Variants in TRIM67 observed in about 807,000 individuals in gnomAD.
TRIM67 encodes tripartite motif-containing protein 67.
TRIM67 carries 39 observed loss-of-function variants against 71.0 expected under a neutral mutation model. The ratio of observed to expected loss-of-function variants is 0.55; its 90% CI spans 0.43 to 0.72. TRIM67 has a LOEUF of 0.72. TRIM67 is among the 30% of genes least tolerant of loss of function. The probability of loss-of-function intolerance (pLI) is 0.00; values close to 1 mark genes in which losing one functional copy is unlikely to be tolerated. For synonymous variants in TRIM67, 481 were observed against 473.9 expected (o/e 1.01, Z -0.19); for missense variants, 973 against 1,079.2 (o/e 0.90, Z 1.38).
intron 6 of TRIM67, among the ~76,000 whole-genome samples, chr1:231,205,396 T>C (rs967603893): frequency 1.3e-5 from 2 of 152,146 alleles, no homozygotes; most frequent in Non-Finnish European, 2.9e-5. Flanking sequence ...AAAGGTAACT[T>C]TGAAGCTAAT....
At chr1:231,169,426 G>A (rs908621071) in intron 1 of TRIM67, among the ~76,000 whole-genome samples, 1 of 125,384 alleles carries the variant, frequency 8.0e-6, no homozygotes, top group Non-Finnish European at 1.6e-5. Context: ...AACCCAGACT[G>A]GAGTTCAGTG....
intron 6 of TRIM67, among the ~76,000 whole-genome samples, chr1:231,205,211 A>C (rs1558305488): frequency 6.6e-6 from 1 of 152,244 alleles, no homozygotes; most frequent in Non-Finnish European, 1.5e-5. Context: ...GCTAGGGTTT[A>C]TAAGGAAGAG....
At position 231,209,634 on chromosome 1, in the gene TRIM67, C is replaced by T. The variant is rs1234145736; in HGVS notation, c.2123+384C>T. On this transcript the variant is annotated intron_variant, in intron 8 of 9. Coordinates refer to ENST00000366653, the MANE Select transcript of TRIM67 (RefSeq NM_001004342.5). This position sits in a 1 kb window ranked among gnomAD's most constrained non-coding sequence, Gnocchi z 4.1. ...TAATGGGCACCACTGGGGCTGGTGT[C>T]CTCACAGCTGTGACCAGGTCATTGC... Among the ~76,000 whole-genome samples the T allele has an allele frequency of 6.6e-6, 1 of 152,224 alleles. No individual in the cohort carries two copies. Among genetic ancestry groups the T allele is most frequent in the Non-Finnish European group, 1.5e-5 (1 of 68,038 alleles).
chr1:231,206,874 A>T, intron 7 of TRIM67, 84 bp downstream of exon 7: 13 of 1,371,908 alleles, frequency 9.5e-6, no homozygotes, highest in East Asian at 2.7e-5. Context: ...GGCAGCTATG[A>T]TGATGGGGTA....
Position 231,219,844 on chromosome 1 carries a change from T to C in TRIM67, c.*4404T>C, listed in dbSNP as rs1204619244. ...CAGTTCCTCCCAGAAGATCAAAGGA[T>C]CCTGCAGCTTTAACCTAATATCTAG... On this transcript the variant is annotated 3_prime_UTR_variant, in exon 10 of 10. Coordinates refer to ENST00000366653, the MANE Select transcript of TRIM67 (RefSeq NM_001004342.5). The C allele has an allele frequency of 1.6e-6, 2 of 1,288,840 alleles. No homozygotes were observed. The highest frequency in any genetic ancestry group is 3.0e-5 in the African/African-American group (2 of 65,806). 79.8% of individuals were successfully genotyped at this position (1,288,840 alleles called of 1,614,324 possible). A position where few individuals can be genotyped will look rare whatever the true frequency, so the allele number is the denominator to read the frequency against.
In TRIM67 at chr1:231,218,610, GA is replaced by G. The variant is rs1684071686; in HGVS notation, c.*3174del. The stretch of plus-strand genomic sequence containing the variant: ...CTTTTCCTCTCTCTGTTCTCCTTGG[GA>G]AAATAATGATTCCAATTAAAGAGGA... On this transcript the variant is annotated 3_prime_UTR_variant, in exon 10 of 10. Coordinates refer to ENST00000366653, the MANE Select transcript of TRIM67 (RefSeq NM_001004342.5). 2.0e-6 allele frequency: 2 copies of G among 985,406 alleles called. No individual in the cohort carries two copies. Among genetic ancestry groups the G allele is most frequent in the African/African-American group, 3.5e-5 (2 of 57,334 alleles). The allele number at this position is 985,406 out of a possible 1,614,324, so 61.0% of individuals were successfully genotyped here. A position where few individuals can be genotyped will look rare whatever the true frequency, so the allele number is the denominator to read the frequency against.
intron 1 of TRIM67, among the ~76,000 whole-genome samples, chr1:231,195,139 A>G (rs377012815): frequency 3.9e-5 from 6 of 152,234 alleles, no homozygotes; most frequent in African/African-American, 1.4e-4. Flanking sequence ...TCTCAGAGAC[A>G]GGATGTAAGC....
intron 1 of TRIM67, among the ~76,000 whole-genome samples, chr1:231,176,385 G>C (rs76597991): frequency 2.6e-5 from 4 of 152,302 alleles, no homozygotes; most frequent in Admixed American, 6.5e-5. Flanking sequence ...CCAGAGATTA[G>C]GAAGGGGAAG....
chr1:231,167,379 G>T (rs1406255347), intron 1 of TRIM67, among the ~76,000 whole-genome samples: 2 of 83,778 alleles, frequency 2.4e-5, no homozygotes, highest in Non-Finnish European at 2.0e-5. Context: ...CTGGAGTGCA[G>T]TGGCGGGATC....
rs944726669 is a variant in TRIM67, at chr1:231,185,006, G to T, written c.1045-12365G>T. On this transcript the variant is annotated intron_variant, in intron 1 of 9. Transcript: ENST00000366653. ...CTCCTGAATGGGTGGCCGGCAGGTT[G>T]GGGAGGGTCAGCTTATTCTGCTTGC... 178 of 1,532,538 alleles carry T rather than the reference G, an allele frequency of 1.2e-4. 1 individual carries two copies. Among genetic ancestry groups the T allele is most frequent in the Non-Finnish European group, 1.4e-4 (163 of 1,146,334 alleles). The allele number at this position is 1,532,538 out of a possible 1,614,324, so 94.9% of individuals were successfully genotyped here. A position where few individuals can be genotyped will look rare whatever the true frequency, so the allele number is the denominator to read the frequency against.
chr1:231,208,535 C>T (rs1683775259), intron 7 of TRIM67, among the ~76,000 whole-genome samples: 1 of 151,920 alleles, frequency 6.6e-6, no homozygotes, highest in South Asian at 2.1e-4. Flanking sequence ...TGGTCTCAAA[C>T]CGCTGACCTG....
chr1:231,198,163 A>G (rs941821164), intron 2 of TRIM67, among the ~76,000 whole-genome samples: 7 of 152,220 alleles, frequency 4.6e-5, no homozygotes, highest in Admixed American at 3.3e-4. Flanking sequence ...GCATCAAAAT[A>G]TAAATGCATC....
intron 1 of TRIM67, among the ~76,000 whole-genome samples, chr1:231,185,867 G>T (rs1032331996): frequency 4.6e-5 from 7 of 151,860 alleles, no homozygotes; most frequent in Non-Finnish European, 8.8e-5. Context: ...AGTCTGGGGG[G>T]AAGACTTCGT....
rs978730595 is a variant in TRIM67, at chr1:231,184,994, G to A, written c.1045-12377G>A. 1.4e-5 allele frequency: 22 copies of A among 1,530,442 alleles called. No homozygotes were observed. The African/African-American group carries it at 2.9e-4, about 20-fold the overall frequency. The allele number at this position is 1,530,442 out of a possible 1,614,324, so 94.8% of individuals were successfully genotyped here. On this transcript the variant is annotated intron_variant, in intron 1 of 9. Coordinates refer to ENST00000366653, the MANE Select transcript of TRIM67 (RefSeq NM_001004342.5). Reference sequence around the variant, plus strand: ...CACCCAGCAGTGCTCCTGAATGGGTGGCCGGCAGGTTGGGGAGGGTCAGCT... The same window carrying A: ...CACCCAGCAGTGCTCCTGAATGGGTAGCCGGCAGGTTGGGGAGGGTCAGCT...
intron 1 of TRIM67, among the ~76,000 whole-genome samples, chr1:231,176,747 G>A (rs553720647): frequency 1.1e-4 from 17 of 152,172 alleles, no homozygotes; most frequent in African/African-American, 3.9e-4. Context: ...AATAGATTCA[G>A]AAGCCAAATT....
rs949077589 is a variant in TRIM67 at position 231,194,653 on chromosome 1, G to T, written c.1045-2718G>T. On this transcript the variant is annotated intron_variant, in intron 1 of 9. Transcript: ENST00000366653. The stretch of plus-strand genomic sequence containing the variant: ...CAGGCTAACATTCCATGTGCAAGGC[G>T]ATCAGTAAAACTTTGTGATTCAGAA... Among the ~76,000 whole-genome samples, 4 of 152,120 alleles carry T rather than the reference G, an allele frequency of 2.6e-5. No individual in the cohort carries two copies. The East Asian group carries it at 7.7e-4, about 29-fold the overall frequency.
intron 1 of TRIM67, chr1:231,185,933 T>TGTGATAAACGGCC (rs1361430984): frequency 9.2e-6 from 6 of 654,658 alleles, no homozygotes; most frequent in Non-Finnish European, 1.6e-5. Context: ...TGGAGATGAG[T>TGTGATAAACGGCC]GTGATAAACG....
At chr1:231,167,319 C>CTTGTTTTTTTTTTTTTTTTTTT (rs1682497118) in intron 1 of TRIM67, among the ~76,000 whole-genome samples, 1 of 51,832 alleles carries the variant, frequency 1.9e-5, no homozygotes, top group Non-Finnish European at 3.7e-5. Flanking sequence ...ACTCTAATGT[C>CTTGTTTTTTTTTTTTTTTTTTT]TTTTTTTTTT....
rs185481628 is a variant in TRIM67 at position 231,173,881 on chromosome 1, A to G, written c.1044+9868A>G. On this transcript the variant is annotated intron_variant, in intron 1 of 9. Transcript: ENST00000366653. ...TTGGGCCATAAATATGGGGACTTGA[A>G]TTAGGAGAGAGGCAGCAGAAATGGA... Among the ~76,000 whole-genome samples the G allele has an allele frequency of 2.1e-4, 32 of 152,272 alleles. 1 individual carries two copies. In the East Asian group the frequency reaches 6.0e-3, roughly 29 times the overall value.
Sources: allele counts gnomAD v4.1 joint callset (sites outside exome capture counted in the v4.1 genomes callset), GRCh38; gene constraint gnomAD v4.1.1; non-coding constraint Gnocchi (gnomAD v3.1); transcripts MANE v1.5; gene names NCBI Gene and HGNC (gene_info 2026-07-23, HGNC 2026-07-21).